The following AXIN2 variants were observed in gnomAD, a reference collection of about 807,000 sequenced individuals.
AXIN2 encodes axin-2.
A neutral mutation model predicts 74.7 loss-of-function variants in AXIN2; 21 were observed. The ratio of observed to expected loss-of-function variants is 0.28; its 90% CI spans 0.20 to 0.40. The LOEUF (loss-of-function observed/expected upper bound fraction) is 0.40, where lower values mean the gene tolerates loss of function less well. AXIN2 is among the 10% of genes least tolerant of loss of function. AXIN2 has a pLI of 1.00. For synonymous variants in AXIN2, 532 were observed against 454.9 expected (o/e 1.17, Z -2.16); for missense variants, 1,144 against 1,111.1 (o/e 1.03, Z -0.42).
intron 10 of AXIN2, among the ~76,000 whole-genome samples, chr17:65,531,755 A>T (rs1417181338): frequency 6.6e-6 from 1 of 152,034 alleles, no homozygotes; most frequent in Non-Finnish European, 1.5e-5. Context: ...TTCCACTGCA[A>T]CATGCTTCAT....
At chr17:65,556,321 G>A (rs924565211) in intron 2 of AXIN2, among the ~76,000 whole-genome samples, 12 of 152,182 alleles carry the variant, frequency 7.9e-5, no homozygotes, top group African/African-American at 2.9e-4. Context: ...CCAGGCTAGA[G>A]GGCAAGGAGG....
At position 65,536,949 on chromosome 17, in the gene AXIN2, G is replaced by C. The variant is rs747605090; in HGVS notation, c.1827C>G (p.Pro609=). The change falls in exon 7 of 11, where the codon CCC becomes CCG. Residue 609 remains proline, a synonymous_variant. Coordinates refer to ENST00000307078, the MANE Select transcript of AXIN2 (RefSeq NM_004655.4). ...CCTGCGACCTGTCTCCTTCCTCCCG[G>C]GGAAGCTGCAGGGCCCCAGCTCCGC... ...APGGAGALQL[P]REEGDRSQDV... 1 of 1,613,354 alleles carries C rather than the reference G, an allele frequency of 6.2e-7. No homozygotes were observed. The highest frequency in any genetic ancestry group is 8.5e-7 in the Non-Finnish European group (1 of 1,179,962).
At chr17:65,535,873 G>A in intron 8 of AXIN2, 152 bp from the exon 9 acceptor site, 1 of 757,952 alleles carries the variant, frequency 1.3e-6, no homozygotes, top group Non-Finnish European at 2.3e-6. Flanking sequence ...TGGGTTAACA[G>A]TGGCTGAAGA....
At chr17:65,547,154 A>T (rs1567762230) in intron 3 of AXIN2, among the ~76,000 whole-genome samples, 1 of 152,164 alleles carries the variant, frequency 6.6e-6, no homozygotes, top group African/African-American at 2.4e-5. Flanking sequence ...AAGGGGATAA[A>T]AGAAGAGGAA....
chr17:65,537,368 T>G lies in AXIN2; in HGVS notation c.1668A>C (p.Lys556Asn). The G allele has an allele frequency of 6.2e-7, 1 of 1,614,016 alleles. No individual in the cohort carries two copies. Among genetic ancestry groups the G allele is most frequent in the Non-Finnish European group, 8.5e-7 (1 of 1,180,016 alleles). Reference sequence around the variant, plus strand: ...TGGTTTCCGGAGCCTTGGAGTGGCTTTTGCATTTCGAGTAGCAGTAATACT... The same window carrying G: ...TGGTTTCCGGAGCCTTGGAGTGGCTGTTGCATTTCGAGTAGCAGTAATACT... Reference protein sequence around the residue: ...GSEYYCYSKCKSHSKAPETMP... With the variant: ...GSEYYCYSKCNSHSKAPETMP... Residue 556 changes from lysine (K) to asparagine (N), a missense_variant, in exon 6 of 11, where the codon AAA (lysine) becomes AAC (asparagine). By Grantham distance (94) the Lys-to-Asn change is moderately conservative. Transcript: ENST00000307078.
rs1060504480 is a variant in AXIN2 at position 65,538,272 on chromosome 17, C to T, written c.1131G>A (p.Arg377=). The change falls in exon 5 of 11, where the codon AGG becomes AGA. Residue 377 remains arginine (R), a synonymous_variant. Coordinates refer to ENST00000307078, the MANE Select transcript of AXIN2 (RefSeq NM_004655.4). ...CCAACTCCAGCTTCAGCTTTTCCAGCCTCGAGATCAGCTCAGCTGCAAAGG... is the reference window on the plus strand; with the variant it reads ...CCAACTCCAGCTTCAGCTTTTCCAGTCTCGAGATCAGCTCAGCTGCAAAGG... ...PATFAAELIS[R]LEKLKLELES... is the part of the protein sequence containing the mutation. 8 of 1,614,094 alleles carry T rather than the reference C, an allele frequency of 5.0e-6. No homozygotes were observed. The East Asian group carries it at 1.6e-4, about 31-fold the overall frequency.
intron 6 of AXIN2, 102 bp from the exon 7 acceptor site, chr17:65,537,165 A>T: frequency 6.5e-7 from 1 of 1,541,288 alleles, no homozygotes; most frequent in African/African-American, 1.4e-5. Flanking sequence ...GTGACACGAA[A>T]GACCCATGCA....
At chr17:65,549,790 T>C in intron 2 of AXIN2, 130 bp from the exon 3 acceptor site, 3 of 1,214,080 alleles carry the variant, frequency 2.5e-6, no homozygotes, top group South Asian at 2.6e-5. Flanking sequence ...CCAGGTCCAG[T>C]TGCTCACCTG....
At position 65,533,563 on chromosome 17, in the gene AXIN2, G is replaced by A. The variant is rs9896997; in HGVS notation, c.2405+349C>T. Reference sequence around the variant, plus strand: ...CTCCCTGCTCCCCACTCGCCCACAAGCCCCTCAATTGCAGGTAAAGCCTCT... The same window carrying A: ...CTCCCTGCTCCCCACTCGCCCACAAACCCCTCAATTGCAGGTAAAGCCTCT... On this transcript the variant is annotated intron_variant, in intron 10 of 10. Transcript: ENST00000307078. Among the ~76,000 whole-genome samples the A allele has an allele frequency of 5.2e-3, 789 of 152,234 alleles. 7 individuals are homozygous for A. The highest frequency in any genetic ancestry group is 0.018 in the African/African-American group (737 of 41,532).
chr17:65,537,000 C>G lies in AXIN2; in HGVS notation c.1776G>C (p.Leu592=), dbSNP rs371878937. Residue 592 remains leucine (L), a synonymous_variant, in exon 7 of 11, where the codon CTG becomes CTC. Transcript: ENST00000307078. ...NGKGTEPGLA[L]PAREGGAPGG... The stretch of plus-strand genomic sequence containing the variant: ...CGGGGGCCCCTCCTTCCCTGGCGGG[C>G]AGGGCCAGGCCCGGCTCCGTGCCTT... 5.6e-6 allele frequency: 9 copies of G among 1,612,088 alleles called. No individual in the cohort carries two copies. The African/African-American group carries it at 1.2e-4, about 22-fold the overall frequency.
At chr17:65,534,166 A>C in intron 9 of AXIN2, 87 bp from the exon 10 acceptor site, 1 of 1,487,496 alleles carries the variant, frequency 6.7e-7, no homozygotes, top group Non-Finnish European at 9.4e-7. Flanking sequence ...CATGTGCATA[A>C]GTGACAGGGT....
intron 2 of AXIN2, among the ~76,000 whole-genome samples, chr17:65,550,933 C>T (rs1209979543): frequency 6.6e-6 from 1 of 152,170 alleles, no homozygotes; most frequent in Non-Finnish European, 1.5e-5. Flanking sequence ...AGAAGGAGCA[C>T]TGGACTGTGC....
intron 10 of AXIN2, among the ~76,000 whole-genome samples, chr17:65,530,669 G>C (rs1378957324): frequency 6.6e-6 from 1 of 152,182 alleles, no homozygotes; most frequent in African/African-American, 2.4e-5. Context: ...CAACACTCCT[G>C]GATGGCCCTG....
intron 4 of AXIN2, among the ~76,000 whole-genome samples, chr17:65,540,145 C>G (rs1449852270): frequency 6.6e-6 from 1 of 152,178 alleles, no homozygotes; most frequent in Non-Finnish European, 1.5e-5. Context: ...GAGAAATGGT[C>G]AATGAATACA....
In AXIN2 at chr17:65,558,354, T is replaced by C. The variant is rs2044305289; in HGVS notation, c.267A>G (p.Gln89=). ...TKSLHSLLGD[Q]DGAYLFRTFL... ...AAGTTCGGAACAGGTAAGCACCGTC[T>C]TGATCGCCCAATAAGGAGTGTAAGG... The change falls in exon 2 of 11, where the codon CAA becomes CAG. Residue 89 remains glutamine, a synonymous_variant. Transcript: ENST00000307078. 2 of 1,614,096 alleles carry C rather than the reference T, an allele frequency of 1.2e-6. No individual in the cohort carries two copies. The highest frequency in any genetic ancestry group is 8.5e-7 in the Non-Finnish European group (1 of 1,179,932).
rs746140442 is a variant in AXIN2, at chr17:65,549,558, C to T, written c.918G>A (p.Ala306=). Residue 306 remains alanine, a synonymous_variant, in exon 3 of 11, where the codon GCG becomes GCA. Transcript: ENST00000307078. ...TCATGGACATGGAATCATCCGTCAGCGCATCACTGGATATCTCACTGTCGT... is the reference window on the plus strand; with the variant it reads ...TCATGGACATGGAATCATCCGTCAGTGCATCACTGGATATCTCACTGTCGT... ...SANDSEISSD[A]LTDDSMSMTD... is the part of the protein sequence containing the mutation. 6.2e-6 allele frequency: 10 copies of T among 1,611,338 alleles called. No individual in the cohort carries two copies. The highest frequency in any genetic ancestry group is 2.2e-5 in the East Asian group (1 of 44,752).
intron 2 of AXIN2, among the ~76,000 whole-genome samples, chr17:65,555,110 G>T (rs976180735): frequency 6.6e-6 from 1 of 152,206 alleles, no homozygotes; most frequent in Non-Finnish European, 1.5e-5. Flanking sequence ...AATCAGTAAG[G>T]ACACAAACAA....
intron 3 of AXIN2, among the ~76,000 whole-genome samples, chr17:65,544,727 C>T (rs1167986295): frequency 1.3e-5 from 2 of 152,164 alleles, no homozygotes; most frequent in Non-Finnish European, 2.9e-5. Context: ...GAGCCTGCTG[C>T]CGGGCCCAGC....
At chr17:65,539,015 C>T (rs1214487570) in intron 4 of AXIN2, among the ~76,000 whole-genome samples, 1 of 152,114 alleles carries the variant, frequency 6.6e-6, no homozygotes. Context: ...AGTAGCAGAA[C>T]ACTGCTGAGC....
Sources: allele counts gnomAD v4.1 joint callset (sites outside exome capture counted in the v4.1 genomes callset), GRCh38; gene constraint gnomAD v4.1.1; transcripts MANE v1.5; gene names NCBI Gene and HGNC (gene_info 2026-07-23, HGNC 2026-07-21).